The following LEPROTL1 variants were observed in gnomAD, a reference collection of about 807,000 sequenced individuals.
LEPROTL1 encodes leptin receptor overlapping transcript like 1.
Under a neutral mutation model 15.4 loss-of-function variants are expected in LEPROTL1, and 6 were observed. The observed-to-expected ratio is 0.39, with a 90% CI of 0.21 to 0.77. The LOEUF (loss-of-function observed/expected upper bound fraction) is 0.77, where lower values mean the gene tolerates loss of function less well. Among genes scored for constraint, LEPROTL1 ranks in the 30% least tolerant of loss-of-function variants. The pLI, the probability that LEPROTL1 is intolerant of heterozygous loss-of-function variation, is 0.41. For synonymous variants in LEPROTL1, 56 were observed against 52.6 expected (o/e 1.06, Z -0.28); for missense variants, 128 against 158.1 (o/e 0.81, Z 1.02).
chr8:30,095,843 TTGGACGG>T lies in LEPROTL1; in HGVS notation c.16+316_16+322del, dbSNP rs1448757648. The T allele has an allele frequency of 4.6e-5, 32 of 701,704 alleles. No homozygotes were observed. In the East Asian group the frequency reaches 8.6e-4, roughly 19 times the overall value. 43.5% of individuals were successfully genotyped at this position (701,704 alleles called of 1,614,324 possible). Reference sequence around the variant, plus strand: ...GGTCAGTGAGGAGTCCCGTCGCGACTTGGACGGCCACACACGTTTTGCAGGAGTTTGC... The same window carrying T: ...GGTCAGTGAGGAGTCCCGTCGCGACTCCACACACGTTTTGCAGGAGTTTGC... On this transcript the variant is annotated intron_variant, in intron 1 of 3. Transcript: ENST00000321250.
At chr8:30,104,623 T>C (rs1372769403) in intron 3 of LEPROTL1, 137 bp downstream of exon 3, 1 of 489,004 alleles carries the variant, frequency 2.0e-6, no homozygotes, top group Non-Finnish European at 3.5e-6. Context: ...AATCTCACTT[T>C]ATTGTTTGTT....
chr8:30,132,101 C>T lies in LEPROTL1; in HGVS notation c.280-274C>T, dbSNP rs1803028564. 1.3e-6 allele frequency: 2 copies of T among 1,551,612 alleles called. No individual in the cohort carries two copies. Among genetic ancestry groups the T allele is most frequent in the African/African-American group, 2.7e-5 (2 of 73,024 alleles). On this transcript the variant is annotated intron_variant, in intron 3 of 4. Coordinates refer to the LEPROTL1 transcript ENST00000442880. ...TAGGCAATGATCAACTGGGTGTGGG[C>T]CCAGGTGAGGGTTCTATAGAACAGC...
At chr8:30,125,309 C>T (rs967058231) in intron 3 of LEPROTL1, among the ~76,000 whole-genome samples, 40 of 152,068 alleles carry the variant, frequency 2.6e-4, no homozygotes, top group Non-Finnish European at 1.3e-4. Context: ...ATTAAACCTA[C>T]GATTCAGAAA....
intron 3 of LEPROTL1, among the ~76,000 whole-genome samples, chr8:30,114,674 C>G (rs1802709087): frequency 6.6e-6 from 1 of 152,144 alleles, no homozygotes; most frequent in African/African-American, 2.4e-5. Flanking sequence ...TGATGGGAGT[C>G]CAGATGGGCT....
At chr8:30,101,226 A>T (rs1802459967) in intron 1 of LEPROTL1, among the ~76,000 whole-genome samples, 1 of 152,190 alleles carries the variant, frequency 6.6e-6, no homozygotes, top group Admixed American at 6.5e-5. Context: ...TTCTCCACAT[A>T]CTGCTTTTCA....
At chr8:30,123,370 G>A (rs1303377571) in intron 3 of LEPROTL1, among the ~76,000 whole-genome samples, 1 of 152,182 alleles carries the variant, frequency 6.6e-6, no homozygotes, top group Non-Finnish European at 1.5e-5. Flanking sequence ...AAAAGCATAT[G>A]GGAGGGAATA....
chr8:30,109,613 C>G (rs1168800046), downstream of LEPROTL1, among the ~76,000 whole-genome samples: 2 of 152,038 alleles, frequency 1.3e-5, no homozygotes, highest in African/African-American at 4.8e-5. Context: ...TGTTTTTGAT[C>G]CTTTTCATAC....
rs754436641 is a variant in LEPROTL1 at position 30,104,474 on chromosome 8, C to T, written c.267C>T (p.Ala89=). The change falls in exon 3 of 4, where the codon GCC becomes GCT. Residue 89 remains alanine, a synonymous_variant. Coordinates refer to ENST00000321250, the MANE Select transcript of LEPROTL1 (RefSeq NM_015344.3). ...VSAFGLPIVF[A]RAHLIEWGAC... is the part of the protein sequence containing the mutation. ...CTTTTGGACTCCCTATTGTATTTGC[C>T]AGAGCACATCTGGTAAGTGAATATA... 3.1e-6 allele frequency: 5 copies of T among 1,597,792 alleles called. No homozygotes were observed. In the Admixed American group the frequency reaches 7.0e-5, roughly 22 times the overall value.
intron 4 of LEPROTL1, among the ~76,000 whole-genome samples, chr8:30,134,846 C>T (rs1803105114): frequency 6.6e-6 from 1 of 151,830 alleles, no homozygotes; most frequent in Non-Finnish European, 1.5e-5. Flanking sequence ...CTGCTCCCAG[C>T]CATAAGCATC....
chr8:30,097,473 C>A (rs1252138165), intron 1 of LEPROTL1, among the ~76,000 whole-genome samples: 3 of 151,692 alleles, frequency 2.0e-5, no homozygotes, highest in African/African-American at 7.3e-5. Flanking sequence ...GAGTTCAAGA[C>A]CAACCTGTCC....
At position 30,107,168 on chromosome 8, in the gene LEPROTL1, A is replaced by T. The variant is rs1171288884; in HGVS notation, c.*1306A>T. 1 of 985,310 alleles carries T rather than the reference A, an allele frequency of 1.0e-6. No individual in the cohort carries two copies. The highest frequency in any genetic ancestry group is 6.1e-5 in the Admixed American group (1 of 16,262). 61.0% of individuals were successfully genotyped at this position (985,310 alleles called of 1,614,324 possible). ...ATCATGATAGATCTGCTGTTTCCTTATAAAAGGCATTTGTTGTGTGAGTTA... is the reference window on the plus strand; with the variant it reads ...ATCATGATAGATCTGCTGTTTCCTTTTAAAAGGCATTTGTTGTGTGAGTTA... On this transcript the variant is annotated 3_prime_UTR_variant, in exon 4 of 4. Transcript: ENST00000321250.
chr8:30,101,979 TA>T lies in LEPROTL1; in HGVS notation c.92+10del. 2 of 1,573,322 alleles carry T rather than the reference TA, an allele frequency of 1.3e-6. No individual in the cohort carries two copies. Among genetic ancestry groups the T allele is most frequent in the Non-Finnish European group, 1.7e-6 (2 of 1,152,434 alleles). On this transcript the variant is annotated splice_region_variant and intron_variant, in intron 2 of 3. Coordinates refer to ENST00000321250, the MANE Select transcript of LEPROTL1 (RefSeq NM_015344.3). ...TGTGCCCTTCCAATATACAAGTATGTAAAATGTTTGTCTTTCTGAATATTTA... is the reference window on the plus strand; with the variant it reads ...TGTGCCCTTCCAATATACAAGTATGTAAATGTTTGTCTTTCTGAATATTTA...
intron 3 of LEPROTL1, among the ~76,000 whole-genome samples, chr8:30,118,033 T>G (rs1483804788): frequency 4.1e-5 from 6 of 144,984 alleles, no homozygotes; most frequent in Non-Finnish European, 7.6e-5. Context: ...TTTTTTTTTT[T>G]TTTTTTTTTG....
intron 4 of LEPROTL1, among the ~76,000 whole-genome samples, chr8:30,136,730 CTTT>C (rs11390350): frequency 7.0e-6 from 1 of 143,798 alleles, no homozygotes; most frequent in Admixed American, 6.9e-5. Context: ...TCCCCCCGAA[CTTT>C]TTTTTTTTTT....
rs1222882759 is a variant in LEPROTL1 at position 30,096,341 on chromosome 8, A to T, written c.16+813A>T. ...TTTTGTTGTCAGTGTGATGAGAAGCAAAGTTTTCAGCTACTGCTTAACTAA... is the reference window on the plus strand; with the variant it reads ...TTTTGTTGTCAGTGTGATGAGAAGCTAAGTTTTCAGCTACTGCTTAACTAA... On this transcript the variant is annotated intron_variant, in intron 1 of 3. Coordinates refer to ENST00000321250, the MANE Select transcript of LEPROTL1 (RefSeq NM_015344.3). The T allele has an allele frequency of 2.2e-5, 22 of 985,168 alleles. No homozygotes were observed. In the Admixed American group the frequency reaches 1.4e-3, roughly 61 times the overall value. 61.0% of individuals were successfully genotyped at this position (985,168 alleles called of 1,614,324 possible). A position where few individuals can be genotyped will look rare whatever the true frequency, so the allele number is the denominator to read the frequency against.
chr8:30,113,178 C>T (rs1585470030), downstream of LEPROTL1, among the ~76,000 whole-genome samples: 1 of 151,364 alleles, frequency 6.6e-6, no homozygotes, highest in African/African-American at 2.4e-5. Flanking sequence ...CCGGAAGCTG[C>T]GGCAGGAGAA....
At chr8:30,138,291 G>A (rs1421425937), downstream of LEPROTL1, 1 of 397,586 alleles carries the variant, frequency 2.5e-6, no homozygotes, top group Admixed American at 3.7e-5. Flanking sequence ...AGTGGAGAAG[G>A]TGAACCCACT....
rs201416312 is a variant in LEPROTL1 at position 30,120,063 on chromosome 8, CAATA to C, written c.280-12272_280-12269del. Reference sequence around the variant, plus strand: ...ACTGGGCAACAGAGTGAGACTCCATCAATAAATAAATAAATAAATAAATAAATAA... The same window carrying C: ...ACTGGGCAACAGAGTGAGACTCCATCAATAAATAAATAAATAAATAAATAA... On this transcript the variant is annotated intron_variant, in intron 3 of 4. Coordinates refer to the LEPROTL1 transcript ENST00000442880. Among the ~76,000 whole-genome samples the C allele has an allele frequency of 3.5e-3, 347 of 100,508 alleles. 2 individuals are homozygous for C. The highest frequency in any genetic ancestry group is 9.8e-3 in the Middle Eastern group (2 of 204). The allele number at this position is 100,508 out of a possible 152,430, so 65.9% of individuals were successfully genotyped here.
chr8:30,095,494 C>A lies in LEPROTL1; in HGVS notation c.-19C>A. ...CCGCCGCCGCCTCGGGTCGTGGAGCCAGGAGCGACGTCACCGCCATGGCAG... is the reference window on the plus strand; with the variant it reads ...CCGCCGCCGCCTCGGGTCGTGGAGCAAGGAGCGACGTCACCGCCATGGCAG... On this transcript the variant is annotated 5_prime_UTR_variant, in exon 1 of 4. Transcript: ENST00000321250. 3 of 1,462,848 alleles carry A rather than the reference C, an allele frequency of 2.1e-6. No individual in the cohort carries two copies. The highest frequency in any genetic ancestry group is 2.7e-6 in the Non-Finnish European group (3 of 1,111,492). The allele number at this position is 1,462,848 out of a possible 1,614,324, so 90.6% of individuals were successfully genotyped here.
Sources: gnomAD v4.1 joint callset for allele counts (sites outside exome capture counted in the v4.1 genomes callset) on GRCh38, gnomAD v4.1.1 for gene constraint, MANE v1.5 for transcripts, NCBI Gene and HGNC (gene_info 2026-07-23, HGNC 2026-07-21) for gene names.